Variants in EYS observed in about 807,000 individuals in gnomAD.
EYS encodes EGF-like photoreceptor maintenance factor.
A neutral mutation model predicts 282.1 loss-of-function variants in EYS; 250 were observed. The observed-to-expected ratio is 0.89, with a 90% CI of 0.80 to 0.98. The LOEUF (loss-of-function observed/expected upper bound fraction) is 0.98. Ranked by LOEUF, EYS falls within the 50% of genes least tolerant of loss-of-function variation. The pLI, the probability that EYS is intolerant of heterozygous loss-of-function variation, is 0.00. For missense variants in EYS, 4,016 were observed against 3,709.0 expected (o/e 1.08, Z -2.15); for synonymous variants, 1,355 against 1,282.9 (o/e 1.06, Z -1.20).
chr6:64,916,059 T>C (rs1183349269), intron 15 of EYS, among the ~76,000 whole-genome samples: 1 of 152,198 alleles, frequency 6.6e-6, no homozygotes. Context: ...TCACTGTAAA[T>C]ATAACTATTC....
chr6:65,266,375 A>G (rs1441202151), intron 12 of EYS, among the ~76,000 whole-genome samples: 2 of 151,872 alleles, frequency 1.3e-5, no homozygotes. Context: ...ATAAGACTAT[A>G]AATCTATGAA....
intron 19 of EYS, among the ~76,000 whole-genome samples, chr6:64,885,243 A>G (rs1334036189): frequency 6.6e-6 from 1 of 151,712 alleles, no homozygotes; most frequent in African/African-American, 2.4e-5. Flanking sequence ...ATATTAAAAC[A>G]TCTTAAATCA....
intron 22 of EYS, among the ~76,000 whole-genome samples, chr6:64,628,312 T>C (rs1194581567): frequency 6.6e-6 from 1 of 152,040 alleles, no homozygotes; most frequent in African/African-American, 2.4e-5. Flanking sequence ...TAAACTTCTA[T>C]GCAAAATAAA....
chr6:65,044,307 G>T (rs1773033288), intron 13 of EYS, among the ~76,000 whole-genome samples: 1 of 151,604 alleles, frequency 6.6e-6, no homozygotes, highest in Non-Finnish European at 1.5e-5. Context: ...CATATGTACG[G>T]TTTGAAAATA....
At chr6:64,741,889 A>G (rs1221361211) in intron 22 of EYS, among the ~76,000 whole-genome samples, 1 of 152,166 alleles carries the variant, frequency 6.6e-6, no homozygotes, top group Non-Finnish European at 1.5e-5. Context: ...TATCCAGATC[A>G]CTAAAACTTT....
intron 42 of EYS, among the ~76,000 whole-genome samples, chr6:63,722,060 T>C (rs1423955222): frequency 1.3e-5 from 2 of 152,156 alleles, no homozygotes; most frequent in East Asian, 3.8e-4. Context: ...GGTAGTAAGT[T>C]AAAGTGAGGT....
intron 36 of EYS, among the ~76,000 whole-genome samples, chr6:63,812,680 A>G (rs1017692913): frequency 1.3e-5 from 2 of 152,038 alleles, no homozygotes; most frequent in African/African-American, 4.8e-5. Context: ...TTATGATAGT[A>G]TATCTCTGCC....
chr6:64,081,406 A>T (rs1268566861), intron 32 of EYS, among the ~76,000 whole-genome samples: 1 of 152,170 alleles, frequency 6.6e-6, no homozygotes, highest in African/African-American at 2.4e-5. Flanking sequence ...ACTACTTAAA[A>T]AAAAACCAGC....
intron 30 of EYS, among the ~76,000 whole-genome samples, chr6:64,275,834 G>A (rs551469664): frequency 2.0e-5 from 3 of 151,810 alleles, no homozygotes; most frequent in South Asian, 2.1e-4. Context: ...GCGTGGTGGC[G>A]GGCACCTATA....
At chr6:65,627,322 T>G (rs1424814000) in intron 2 of EYS, among the ~76,000 whole-genome samples, 2 of 152,090 alleles carry the variant, frequency 1.3e-5, no homozygotes, top group African/African-American at 4.8e-5. Context: ...AGAGAATTTG[T>G]GATGGTTGCA....
At chr6:64,709,567 T>C (rs1168746802) in intron 22 of EYS, among the ~76,000 whole-genome samples, 1 of 152,170 alleles carries the variant, frequency 6.6e-6, no homozygotes, top group Non-Finnish European at 1.5e-5. Context: ...GTTAGGAAAG[T>C]CAGAATATTA....
At chr6:65,222,818 G>A (rs571956482) in intron 12 of EYS, among the ~76,000 whole-genome samples, 23 of 152,248 alleles carry the variant, frequency 1.5e-4, no homozygotes, top group Non-Finnish European at 2.4e-4. Flanking sequence ...TGTCAGGAAC[G>A]AGAAGATATC....
intron 22 of EYS, among the ~76,000 whole-genome samples, chr6:64,630,203 C>T (rs1036547951): frequency 6.6e-6 from 1 of 152,044 alleles, no homozygotes; most frequent in African/African-American, 2.4e-5. Flanking sequence ...TCAAGTGATT[C>T]CCCTCCCTCA....
intron 36 of EYS, among the ~76,000 whole-genome samples, chr6:63,840,793 C>T (rs763833352): frequency 6.6e-6 from 1 of 152,102 alleles, no homozygotes; most frequent in Non-Finnish European, 1.5e-5. Context: ...ATTGAAGACA[C>T]TGTCTTTTCC....
intron 11 of EYS, among the ~76,000 whole-genome samples, chr6:65,305,999 G>A (rs961461369): frequency 3.3e-5 from 5 of 152,022 alleles, no homozygotes; most frequent in Non-Finnish European, 7.4e-5. Flanking sequence ...CTTCATTTCT[G>A]AATTGAGTTT....
At chr6:65,074,948 AT>A (rs1774002307) in intron 12 of EYS, among the ~76,000 whole-genome samples, 1 of 152,072 alleles carries the variant, frequency 6.6e-6, no homozygotes, top group Non-Finnish European at 1.5e-5. Context: ...AGTTTCGGTA[AT>A]TTTTAACAGA....
chr6:65,013,116 T>A (rs1771932693), intron 13 of EYS, among the ~76,000 whole-genome samples: 1 of 152,216 alleles, frequency 6.6e-6, no homozygotes, highest in Non-Finnish European at 1.5e-5. Flanking sequence ...TTCCCATGCA[T>A]ACCCTTTCTT....
intron 13 of EYS, among the ~76,000 whole-genome samples, chr6:65,002,858 T>C (rs1396440964): frequency 2.0e-5 from 3 of 147,198 alleles, no homozygotes; most frequent in Admixed American, 6.8e-5. Flanking sequence ...TAAACATAAA[T>C]TGTAAAGATT....
intron 15 of EYS, among the ~76,000 whole-genome samples, chr6:64,927,175 G>A (rs779149041): frequency 2.0e-4 from 31 of 152,104 alleles, no homozygotes; most frequent in Non-Finnish European, 3.2e-4. Flanking sequence ...TTATTAGCTC[G>A]AATAATGTGC....
Sources: allele counts gnomAD v4.1 joint callset (sites outside exome capture counted in the v4.1 genomes callset), GRCh38; gene constraint gnomAD v4.1.1; transcripts MANE v1.5; gene names NCBI Gene and HGNC (gene_info 2026-07-23, HGNC 2026-07-21).